ZNF438: variants seen among roughly 807,000 people sequenced by gnomAD.
The protein encoded by ZNF438 is zinc finger protein 438.
A neutral mutation model predicts 38.0 loss-of-function variants in ZNF438; 25 were observed. The observed-to-expected ratio is 0.66, with a 90% CI of 0.48 to 0.92. The LOEUF is 0.92. Ranked by LOEUF, ZNF438 falls within the 40% of genes least tolerant of loss-of-function variation. The pLI is 0.00. For missense variants in ZNF438, 1,007 were observed against 999.6 expected (o/e 1.01, Z -0.10); for synonymous variants, 372 against 364.1 (o/e 1.02, Z -0.25).
rs535452250 is a variant in ZNF438 at position 30,868,390 on chromosome 10, A to G, written c.37+8608T>C. Among the ~76,000 whole-genome samples, 52 of 152,214 alleles carry G rather than the reference A, an allele frequency of 3.4e-4. No individual in the cohort carries two copies. In the South Asian group the frequency reaches 7.7e-3, roughly 22 times the overall value. On this transcript the variant is annotated intron_variant, in intron 4 of 5. Transcript: ENST00000413025. ...CCGGCCTGAAGGATTTTTTTAAACA[A>G]AAAGTATTCAAAGTCATTTAAAATT...
At chr10:31,013,267 C>T (rs1348144331) in intron 1 of ZNF438, among the ~76,000 whole-genome samples, 3 of 151,768 alleles carry the variant, frequency 2.0e-5, no homozygotes, top group Non-Finnish European at 2.9e-5. Context: ...TGCAGTGAGC[C>T]GAGATCCCGC....
intron 1 of ZNF438, among the ~76,000 whole-genome samples, chr10:31,009,842 CTT>C (rs34508005): frequency 2.7e-4 from 31 of 116,268 alleles, no homozygotes; most frequent in East Asian, 9.2e-4. Context: ...CTTATCAATT[CTT>C]TTTTTTTTTT....
At chr10:30,900,756 T>G (rs1255859267) in intron 3 of ZNF438, among the ~76,000 whole-genome samples, 3 of 152,106 alleles carry the variant, frequency 2.0e-5, no homozygotes, top group African/African-American at 7.2e-5. Context: ...CAACAGAAGG[T>G]AAGTACACAT....
rs1214941662 is a variant in ZNF438 at position 30,902,850 on chromosome 10, G to A, written c.-32+6083C>T. On this transcript the variant is annotated intron_variant, in intron 3 of 5. Transcript: ENST00000413025. ...GGTGGTAGATGGGACCAGGCGCCGT[G>A]CAGCAGCGGGTGGTGCTCCTTGGGG... 4.6e-5 allele frequency among the ~76,000 whole-genome samples: 7 copies of A among 152,258 alleles called. No individual in the cohort carries two copies. The South Asian group carries it at 1.0e-3, about 22-fold the overall frequency.
At chr10:30,923,517 T>C (rs563295285) in intron 2 of ZNF438, 2 of 152,228 alleles carry the variant, frequency 1.3e-5, no homozygotes, top group Non-Finnish European at 2.9e-5. Flanking sequence ...CCACTTTCCA[T>C]CTTTTTCATA....
chr10:30,991,689 G>A (rs1262153579), intron 1 of ZNF438, among the ~76,000 whole-genome samples: 1 of 152,130 alleles, frequency 6.6e-6, no homozygotes, highest in East Asian at 1.9e-4. Context: ...CATGGCCCCA[G>A]GATACAAGCA....
chr10:30,887,211 T>TA (rs1435069104), intron 3 of ZNF438, among the ~76,000 whole-genome samples: 2 of 152,196 alleles, frequency 1.3e-5, no homozygotes, highest in East Asian at 3.8e-4. Context: ...TAGCCAATGT[T>TA]AAACAGCTTT....
chr10:30,998,539 T>C (rs1222240432), intron 1 of ZNF438, among the ~76,000 whole-genome samples: 1 of 47,508 alleles, frequency 2.1e-5, no homozygotes, highest in African/African-American at 8.8e-5. Context: ...AGAGACTGTC[T>C]CAAAAAAAAA....
intron 4 of ZNF438, among the ~76,000 whole-genome samples, chr10:30,874,771 A>G (rs1050724864): frequency 6.6e-6 from 1 of 151,146 alleles, no homozygotes; most frequent in African/African-American, 2.4e-5. Context: ...TATTCTTTAT[A>G]AATTGTAAAT....
At chr10:31,016,841 T>A (rs2056231365) in intron 1 of ZNF438, among the ~76,000 whole-genome samples, 1 of 152,190 alleles carries the variant, frequency 6.6e-6, no homozygotes, top group South Asian at 2.1e-4. Context: ...CCTAGCTAAA[T>A]ACGTACCAAA....
At chr10:30,918,392 A>C (rs2043895768) in intron 2 of ZNF438, among the ~76,000 whole-genome samples, 1 of 152,208 alleles carries the variant, frequency 6.6e-6, no homozygotes, top group Non-Finnish European at 1.5e-5. Context: ...TTTTCCAACC[A>C]TATGGCATCT....
In ZNF438 at chr10:30,977,915, G is replaced by A. The variant is rs1000361526; in HGVS notation, c.-191-36264C>T. Among the ~76,000 whole-genome samples, 4 of 151,714 alleles carry A rather than the reference G, an allele frequency of 2.6e-5. No homozygotes were observed. The East Asian group carries it at 5.8e-4, about 22-fold the overall frequency. ...GAGAATTGCTTGAACTTGGGAGGCCGAGGTTGCAGTGCACCGAGATCGTGC... is the reference window on the plus strand; with the variant it reads ...GAGAATTGCTTGAACTTGGGAGGCCAAGGTTGCAGTGCACCGAGATCGTGC... On this transcript the variant is annotated intron_variant, in intron 1 of 5. Transcript: ENST00000413025.
At chr10:30,931,501 T>G (rs1014293649) in intron 2 of ZNF438, among the ~76,000 whole-genome samples, 5 of 152,252 alleles carry the variant, frequency 3.3e-5, no homozygotes, top group African/African-American at 1.2e-4. Flanking sequence ...CACTTTTTTT[T>G]GCCCCAAATT....
chr10:30,941,034 A>G (rs2046767020), intron 2 of ZNF438, among the ~76,000 whole-genome samples: 1 of 149,600 alleles, frequency 6.7e-6, no homozygotes, highest in African/African-American at 2.4e-5. Context: ...ACTTAGACAA[A>G]TAACACCAAG....
At chr10:30,982,641 T>G (rs2052345324) in intron 1 of ZNF438, among the ~76,000 whole-genome samples, 1 of 152,138 alleles carries the variant, frequency 6.6e-6, no homozygotes, top group South Asian at 2.1e-4. Flanking sequence ...TATTTATATT[T>G]CCCTTTATGA....
intron 1 of ZNF438, among the ~76,000 whole-genome samples, chr10:30,997,621 T>G (rs2054188612): frequency 6.6e-6 from 1 of 151,942 alleles, no homozygotes; most frequent in Admixed American, 6.6e-5. Context: ...GCCATGAATC[T>G]TGACTAGTCT....
chr10:31,028,801 G>A (rs1274639297), intron 1 of ZNF438, among the ~76,000 whole-genome samples: 1 of 152,132 alleles, frequency 6.6e-6, no homozygotes, highest in South Asian at 2.1e-4. Flanking sequence ...CACTGGATTA[G>A]GGACTAGAGA....
intron 1 of ZNF438, among the ~76,000 whole-genome samples, chr10:30,973,896 C>T (rs928006444): frequency 1.3e-5 from 2 of 152,334 alleles, no homozygotes; most frequent in African/African-American, 4.8e-5. Flanking sequence ...GCCCACCCTG[C>T]GTGTGACCAT....
At chr10:30,980,907 C>T (rs528008019) in intron 1 of ZNF438, among the ~76,000 whole-genome samples, 2 of 152,334 alleles carry the variant, frequency 1.3e-5, no homozygotes, top group East Asian at 3.9e-4. Flanking sequence ...TAATCCTCTT[C>T]AAAAACCACT....
Sources: allele counts gnomAD v4.1 joint callset (sites outside exome capture counted in the v4.1 genomes callset), GRCh38; gene constraint gnomAD v4.1.1; transcripts MANE v1.5; gene names NCBI Gene and HGNC (gene_info 2026-07-23, HGNC 2026-07-21).